Variants in NRG1 observed in about 807,000 individuals in gnomAD.
The protein encoded by NRG1 is pro-neuregulin-1, membrane-bound isoform.
A neutral mutation model predicts 63.8 loss-of-function variants in NRG1; 18 were observed. That is an observed-to-expected ratio of 0.28 (90% confidence interval 0.19 to 0.42). The LOEUF (loss-of-function observed/expected upper bound fraction) is 0.42. Among genes scored for constraint, NRG1 ranks in the 10% least tolerant of loss-of-function variants. The pLI, the probability that NRG1 is intolerant of heterozygous loss-of-function variation, is 1.00. For synonymous variants in NRG1, 302 were observed against 301.3 expected (o/e 1.00, Z -0.02); for missense variants, 762 against 814.7 (o/e 0.94, Z 0.79).
At chr8:32,168,551 G>A (rs1233857066) in intron 1 of NRG1, among the ~76,000 whole-genome samples, 1 of 152,212 alleles carries the variant, frequency 6.6e-6, no homozygotes, top group East Asian at 1.9e-4. Flanking sequence ...CCTCTGCAAT[G>A]AAAGCCAAAT....
intron 1 of NRG1, among the ~76,000 whole-genome samples, chr8:32,589,012 T>C (rs1221657022): frequency 6.6e-6 from 1 of 152,182 alleles, no homozygotes; most frequent in Non-Finnish European, 1.5e-5. Flanking sequence ...AATAATGATC[T>C]TGTTGGGCGA....
At chr8:32,716,066 G>T (rs570870817) in intron 5 of NRG1, among the ~76,000 whole-genome samples, 6 of 152,130 alleles carry the variant, frequency 3.9e-5, no homozygotes, top group Non-Finnish European at 7.3e-5. Flanking sequence ...TGTCATCTGT[G>T]AACTCTTCCC....
chr8:31,840,563 A>G (rs1464881112), intron 1 of NRG1, among the ~76,000 whole-genome samples: 1 of 152,020 alleles, frequency 6.6e-6, no homozygotes, highest in Admixed American at 6.6e-5. Flanking sequence ...ACCTCGCACT[A>G]GTTAGTTATG....
intron 6 of NRG1, among the ~76,000 whole-genome samples, chr8:32,734,391 G>A (rs1824480049): frequency 6.6e-6 from 1 of 152,286 alleles, no homozygotes; most frequent in South Asian, 2.1e-4. Flanking sequence ...ACAGGACTGG[G>A]TTAGAACTTC....
At chr8:32,414,807 C>T (rs1815625669) in intron 1 of NRG1, among the ~76,000 whole-genome samples, 1 of 152,078 alleles carries the variant, frequency 6.6e-6, no homozygotes, top group African/African-American at 2.4e-5. Context: ...TATACAAAAG[C>T]TCAGTAAGTA....
At chr8:31,775,931 G>C (rs10503887) in intron 1 of NRG1, among the ~76,000 whole-genome samples, 1 of 149,874 alleles carries the variant, frequency 6.7e-6, no homozygotes, top group South Asian at 2.1e-4. Context: ...ACTAGTGGGC[G>C]ATTATTGGAA....
intron 1 of NRG1, among the ~76,000 whole-genome samples, chr8:31,987,348 G>A (rs1810264966): frequency 7.1e-6 from 1 of 141,312 alleles, no homozygotes; most frequent in East Asian, 2.0e-4. Context: ...GTGTGTGTGT[G>A]TATGTGTGTG....
chr8:32,653,577 C>T (rs941367510), intron 5 of NRG1, among the ~76,000 whole-genome samples: 1 of 152,058 alleles, frequency 6.6e-6, no homozygotes, highest in African/African-American at 2.4e-5. Context: ...ATCTGTCTGG[C>T]CCTTTAGGAG....
intron 1 of NRG1, among the ~76,000 whole-genome samples, chr8:31,823,086 G>T (rs1404533175): frequency 4.8e-5 from 7 of 145,316 alleles, no homozygotes; most frequent in Non-Finnish European, 9.1e-5. Context: ...GTGGTAGTTT[G>T]GTTTATACTT....
At chr8:32,163,669 T>G (rs780674529) in intron 1 of NRG1, among the ~76,000 whole-genome samples, 18 of 152,198 alleles carry the variant, frequency 1.2e-4, no homozygotes, top group Non-Finnish European at 1.3e-4. Context: ...AGTCTTCAAT[T>G]TATGCCTAAA....
At chr8:32,181,204 T>C (rs1335270577) in intron 1 of NRG1, among the ~76,000 whole-genome samples, 2 of 152,184 alleles carry the variant, frequency 1.3e-5, no homozygotes, top group Non-Finnish European at 2.9e-5. Context: ...GGAGGATCTC[T>C]AGATCCCAGA....
intron 1 of NRG1, among the ~76,000 whole-genome samples, chr8:32,257,285 G>C (rs1238011823): frequency 6.6e-6 from 1 of 152,138 alleles, no homozygotes; most frequent in Non-Finnish European, 1.5e-5. Context: ...CCTTTCCAGG[G>C]GAGTGAACAG....
At chr8:31,865,487 C>T (rs1349379415) in intron 1 of NRG1, among the ~76,000 whole-genome samples, 1 of 152,086 alleles carries the variant, frequency 6.6e-6, no homozygotes, top group African/African-American at 2.4e-5. Context: ...AATTGTACTT[C>T]CCATAATCTC....
chr8:32,036,128 G>T (rs1819016891), intron 1 of NRG1, among the ~76,000 whole-genome samples: 1 of 152,096 alleles, frequency 6.6e-6, no homozygotes, highest in Non-Finnish European at 1.5e-5. Flanking sequence ...CAGGCCTGGT[G>T]GTGACAAACT....
In NRG1 at chr8:31,751,698, G is replaced by A. The variant is rs536367608; in HGVS notation, c.37+112267G>A. On this transcript the variant is annotated intron_variant, in intron 1 of 10. Coordinates refer to the NRG1 transcript ENST00000519301. ...ACTTCAATCATCTGGATGAAACAGTGGTAGCTTAGATGGATGTTTGTGGTA... is the reference window on the plus strand; with the variant it reads ...ACTTCAATCATCTGGATGAAACAGTAGTAGCTTAGATGGATGTTTGTGGTA... Among the ~76,000 whole-genome samples the A allele has an allele frequency of 2.6e-5, 4 of 152,024 alleles. No homozygotes were observed. In the South Asian group the frequency reaches 8.3e-4, roughly 32 times the overall value.
intron 1 of NRG1, among the ~76,000 whole-genome samples, chr8:31,824,239 TG>T (rs1287364536): frequency 7.1e-6 from 1 of 140,352 alleles, no homozygotes; most frequent in African/African-American, 2.7e-5. Flanking sequence ...GTGTTCTCAC[TG>T]TTCAATTCCC....
chr8:32,519,867 G>A lies in NRG1; in HGVS notation c.38-75961G>A, dbSNP rs189713604. Among the ~76,000 whole-genome samples, 152 of 152,150 alleles carry A rather than the reference G, an allele frequency of 1.0e-3. 1 individual carries two copies. The highest frequency in any genetic ancestry group is 3.4e-3 in the African/African-American group (143 of 41,512). ...TCTCTATACCCTTCTTTGTGCCACC[G>A]TGTTTTCTTGTGTATTGGAGGTGGA... is the stretch of plus-strand genomic sequence containing the variant. On this transcript the variant is annotated intron_variant, in intron 1 of 10. Transcript: ENST00000519301.
intron 1 of NRG1, among the ~76,000 whole-genome samples, chr8:32,337,999 T>A (rs1310186143): frequency 6.6e-6 from 1 of 152,172 alleles, no homozygotes; most frequent in Non-Finnish European, 1.5e-5. Flanking sequence ...GTAACCCAAT[T>A]TGCTCCTAAT....
At chr8:32,372,238 C>T (rs966397921) in intron 1 of NRG1, among the ~76,000 whole-genome samples, 3 of 152,022 alleles carry the variant, frequency 2.0e-5, no homozygotes, top group African/African-American at 7.2e-5. Flanking sequence ...AATCCTCTCT[C>T]CTCAGCCTCC....
Sources: gnomAD v4.1 joint callset for allele counts (sites outside exome capture counted in the v4.1 genomes callset) on GRCh38, gnomAD v4.1.1 for gene constraint, MANE v1.5 for transcripts, NCBI Gene and HGNC (gene_info 2026-07-23, HGNC 2026-07-21) for gene names.